Variants in KMT2A observed in about 807,000 individuals in gnomAD.
KMT2A encodes lysine methyltransferase 2A.
A neutral mutation model predicts 345.3 loss-of-function variants in KMT2A; 16 were observed. The ratio of observed to expected loss-of-function variants is 0.05; its 90% CI spans 0.03 to 0.07. KMT2A has a LOEUF of 0.07. Ranked by LOEUF, KMT2A falls within the 10% of genes least tolerant of loss-of-function variation. KMT2A has a pLI of 1.00. For synonymous variants in KMT2A, 1,599 were observed against 1,778.6 expected, an observed-to-expected ratio of 0.90 and a Z score of 2.54; for missense variants, 3,272 against 4,841.6, an observed-to-expected ratio of 0.68 and a Z score of 9.62.
At position 118,522,708 on chromosome 11, in the gene KMT2A, G is replaced by A. The variant is rs9332868; in HGVS notation, c.*536G>A. On this transcript the variant is annotated 3_prime_UTR_variant, in exon 36 of 36. Coordinates refer to ENST00000534358, the MANE Select transcript of KMT2A (RefSeq NM_001197104.2). The surrounding 1 kb of genome is among the most constrained non-coding windows in gnomAD (Gnocchi z 5.4). ...CCTCCCACTCGAGAGTTCACTTCTG[G>A]TTGGGAGACAGGATTCCTAGCACCT... 4.7e-3 allele frequency: 1,012 copies of A among 216,152 alleles called. 11 individuals are homozygous for A. Among genetic ancestry groups the A allele is most frequent in the African/African-American group, 0.022 (961 of 44,336 alleles). The allele number at this position is 216,152 out of a possible 1,614,324, so 13.4% of individuals were successfully genotyped here. A position where few individuals can be genotyped will look rare whatever the true frequency, so the allele number is the denominator to read the frequency against.
chr11:118,477,498 CTTTTTTTTTT>C (rs11430367), intron 4 of KMT2A, among the ~76,000 whole-genome samples: 155 of 56,954 alleles, frequency 2.7e-3, no homozygotes, highest in African/African-American at 0.011. Context: ...AAGTTATTGG[CTTTTTTTTTT>C]TTTTTTTTTT....
Position 118,526,306 on chromosome 11 carries a change from C to G in KMT2A, c.*4134C>G. The G allele has an allele frequency of 4.5e-6, 1 of 224,238 alleles. No individual in the cohort carries two copies. Among genetic ancestry groups the G allele is most frequent in the South Asian group, 1.8e-4 (1 of 5,456 alleles). The allele number at this position is 224,238 out of a possible 1,614,324, so 13.9% of individuals were successfully genotyped here. A position where few individuals can be genotyped will look rare whatever the true frequency, so the allele number is the denominator to read the frequency against. On this transcript the variant is annotated 3_prime_UTR_variant, in exon 36 of 36. Coordinates refer to ENST00000534358, the MANE Select transcript of KMT2A (RefSeq NM_001197104.2). ...TTGGTTATGAATGTTGGGGTTACCA[C>G]CTGCATTTAGGGGAAAATTGTGTTC...
chr11:118,501,010 C>G lies in KMT2A; in HGVS notation c.6182C>G (p.Thr2061Ser). Reference sequence around the variant, plus strand: ...AGGTGTTCCAGGGTATACTGGAGCACCACAGATGCTCGCAAGCGCTGTGTA... The same window carrying G: ...AGGTGTTCCAGGGTATACTGGAGCAGCACAGATGCTCGCAAGCGCTGTGTA... ...GYQCSRVYWS[T>S]TDARKRCVYT... is the part of the protein sequence containing the mutation. The change falls in exon 25 of 36, where the codon ACC becomes AGC. Residue 2061 changes from threonine to serine, a missense_variant. By Grantham distance (58) the Thr-to-Ser change is moderately conservative. Around this residue, in one of 27 missense-constraint regions of KMT2A, gnomAD observed 235 missense variants for 503.4 expected, o/e 0.47. Coordinates refer to ENST00000534358, the MANE Select transcript of KMT2A (RefSeq NM_001197104.2). The G allele has an allele frequency of 6.2e-7, 1 of 1,613,636 alleles. No individual in the cohort carries two copies. The highest frequency in any genetic ancestry group is 8.5e-7 in the Non-Finnish European group (1 of 1,179,614).
At chr11:118,483,791 G>T (rs9332795) in intron 8 of KMT2A, among the ~76,000 whole-genome samples, 1 of 152,106 alleles carries the variant, frequency 6.6e-6, no homozygotes, top group African/African-American at 2.4e-5. Context: ...CAGCACTTTG[G>T]GGGGCCAAGG....
intron 1 of KMT2A, among the ~76,000 whole-genome samples, chr11:118,462,656 T>G (rs1222753621): frequency 6.6e-6 from 1 of 152,162 alleles, no homozygotes. Context: ...CCTCCCGGGT[T>G]CACGCCATTC....
intron 8 of KMT2A, among the ~76,000 whole-genome samples, chr11:118,483,934 T>C (rs1950186258): frequency 6.6e-6 from 1 of 152,038 alleles, no homozygotes; most frequent in East Asian, 1.9e-4. Context: ...CTTGAGAAGC[T>C]GAGGCAGGAG....
chr11:118,504,201 T>A lies in KMT2A; in HGVS notation c.8309T>A (p.Val2770Asp). 6.2e-7 allele frequency: 1 copy of A among 1,614,132 alleles called. No homozygotes were observed. Among genetic ancestry groups the A allele is most frequent in the Non-Finnish European group, 8.5e-7 (1 of 1,180,020 alleles). Residue 2770 changes from valine to aspartate, a missense_variant, in exon 27 of 36, where the codon GTC becomes GAC. This residue lies in a region of KMT2A where 100 missense variants were observed against 101.3 expected (regional missense o/e 0.99). Transcript: ENST00000534358. The surrounding 1 kb of genome is among the most constrained non-coding windows in gnomAD (Gnocchi z 6.4). ...GAAGATGCTGGGGAGAAAGAACATG[T>A]CACTAAGAGTTCTGTTGGCCACAAA... is the stretch of plus-strand genomic sequence containing the variant. ...RPEDAGEKEH[V>D]TKSSVGHKNE...
At chr11:118,511,776 T>C (rs1950692926) in intron 30 of KMT2A, 175 bp from the exon 31 acceptor site, 2 of 648,090 alleles carry the variant, frequency 3.1e-6, no homozygotes, top group Non-Finnish European at 2.7e-6. Context: ...CCTTTTCGGC[T>C]CCTTTCACAT....
rs372947697 is a variant in KMT2A at position 118,517,877 on chromosome 11, TTTTG to T, written c.11147-1721_11147-1718del. Among the ~76,000 whole-genome samples, 185 of 152,178 alleles carry T rather than the reference TTTTG, an allele frequency of 1.2e-3. 1 individual carries two copies. The highest frequency in any genetic ancestry group is 3.9e-3 in the African/African-American group (164 of 41,528). On this transcript the variant is annotated intron_variant, in intron 31 of 35. Coordinates refer to ENST00000534358, the MANE Select transcript of KMT2A (RefSeq NM_001197104.2). ...ATTGCTTATCTAGAGACAACATTCTTTTTGTTTGTTTGTTTGTTTGTTTTTGAGA... is the reference window on the plus strand; with the variant it reads ...ATTGCTTATCTAGAGACAACATTCTTTTTGTTTGTTTGTTTGTTTTTGAGA...
At chr11:118,459,151 C>A (rs573998220) in intron 1 of KMT2A, among the ~76,000 whole-genome samples, 8 of 152,212 alleles carry the variant, frequency 5.3e-5, no homozygotes, top group African/African-American at 1.4e-4. Flanking sequence ...CTCACTGCAA[C>A]CTCTGCCTCC....
chr11:118,510,839 A>T lies in KMT2A; in HGVS notation c.11071+721A>T, dbSNP rs1405360404. 6.6e-6 allele frequency among the ~76,000 whole-genome samples: 1 copy of T among 152,234 alleles called. No individual in the cohort carries two copies. The highest frequency in any genetic ancestry group is 6.5e-5 in the Admixed American group (1 of 15,290). On this transcript the variant is annotated intron_variant, in intron 30 of 35. Coordinates refer to ENST00000534358, the MANE Select transcript of KMT2A (RefSeq NM_001197104.2). The surrounding 1 kb of genome is among the most constrained non-coding windows in gnomAD (Gnocchi z 4.1). ...AGTTAGGGTTATCAAAAACCCATGAAGATAAATAGAAGATTCTATTAAAGG... is the reference window on the plus strand; with the variant it reads ...AGTTAGGGTTATCAAAAACCCATGATGATAAATAGAAGATTCTATTAAAGG...
rs1555041994 is a variant in KMT2A, at chr11:118,489,797, G to T, written c.4485G>T (p.Leu1495=). Residue 1495 remains leucine (L), a synonymous_variant, in exon 12 of 36, where the codon CTG becomes CTT. Coordinates refer to ENST00000534358, the MANE Select transcript of KMT2A (RefSeq NM_001197104.2). The part of the protein sequence containing the change: ...CGRQHQATKQ[L]LECNKCRNSY... The stretch of plus-strand genomic sequence containing the variant: ...GCCATTATATTTTCTTACAGCAGCT[G>T]CTGGAGTGTAATAAGTGCCGAAACA... 1 of 1,613,862 alleles carries T rather than the reference G, an allele frequency of 6.2e-7. No individual in the cohort carries two copies.
At chr11:118,457,408 A>C (rs905748578) in intron 1 of KMT2A, among the ~76,000 whole-genome samples, 60 of 151,612 alleles carry the variant, frequency 4.0e-4, no homozygotes, top group African/African-American at 1.4e-3. Context: ...CTGGGACTAC[A>C]GGTGCCCACC....
intron 1 of KMT2A, chr11:118,449,896 G>C (rs895484195): frequency 1.3e-5 from 2 of 152,146 alleles, no homozygotes; most frequent in African/African-American, 2.4e-5. Flanking sequence ...GAAGTTTGTA[G>C]TTGAATGAGC....
At chr11:118,516,947 T>A (rs1044726869) in intron 31 of KMT2A, among the ~76,000 whole-genome samples, 5 of 152,146 alleles carry the variant, frequency 3.3e-5, no homozygotes, top group African/African-American at 1.2e-4. Context: ...TGAGTGAGAG[T>A]TGAACATTCA....
rs2134154541 is a variant in KMT2A at position 118,436,814 on chromosome 11, C to T, written c.302C>T (p.Ser101Leu). The change falls in exon 1 of 36, where the codon TCA (serine) becomes TTA (leucine). Residue 101 changes from serine to leucine, a missense_variant. Ser to Leu is a moderately radical substitution (Grantham distance 145, BLOSUM62 -2). This residue lies in a region of KMT2A where 412 missense variants were observed against 511.0 expected (regional missense o/e 0.81). Transcript: ENST00000534358. This position sits in a 1 kb window ranked among gnomAD's most constrained non-coding sequence, Gnocchi z 6.9. ...SSSSSSSSAS[S>L]GPALLRVGPG... ...TCTTCGTCATCGTCCTCAGCCTCTT[C>T]AGGGCCGGCCCTGCTCCGGGTGGGC... 1.2e-6 allele frequency: 2 copies of T among 1,609,282 alleles called. No homozygotes were observed. Among genetic ancestry groups the T allele is most frequent in the East Asian group, 2.2e-5 (1 of 44,682 alleles).
Position 118,493,164 on chromosome 11 carries a change from TGA to T in KMT2A, c.5113_5114del (p.Asp1705SerfsTer26). On this transcript the variant is annotated frameshift_variant, in exon 16 of 36. Transcript: ENST00000534358. LOFTEE classifies it high-confidence loss of function. The surrounding 1 kb of genome is among the most constrained non-coding windows in gnomAD (Gnocchi z 5.8). ...TTCTTACTGAGGTCAGCAAACAGGA[TGA>T]TCAGCAGCCTTTAGATCTAGAAGGA... Reference protein sequence around the residue: ...PVLTEVSKQDDQQPLDLEGVK... With the variant: ...PVLTEVSKQDXQQPLDLEGVK... 6.2e-7 allele frequency: 1 copy of T among 1,614,100 alleles called. No individual in the cohort carries two copies. Among genetic ancestry groups the T allele is most frequent in the South Asian group, 1.1e-5 (1 of 91,078 alleles).
chr11:118,502,692 C>T lies in KMT2A; in HGVS notation c.6800C>T (p.Ser2267Leu), dbSNP rs2134386018. 6.2e-7 allele frequency: 1 copy of T among 1,614,172 alleles called. No individual in the cohort carries two copies. Among genetic ancestry groups the T allele is most frequent in the Non-Finnish European group, 8.5e-7 (1 of 1,180,032 alleles). ...TTAGGGCAAAACACTTCCACCTCTT[C>T]AAATTTGCAAAGGACAGTGGTTACT... ...TSLGQNTSTS[S>L]NLQRTVVTVG... The change falls in exon 27 of 36, where the codon TCA (serine) becomes TTA (leucine). Residue 2267 changes from serine to leucine, a missense_variant. By Grantham distance (145) the Ser-to-Leu change is moderately radical. Coordinates refer to ENST00000534358, the MANE Select transcript of KMT2A (RefSeq NM_001197104.2). The surrounding 1 kb of genome is among the most constrained non-coding windows in gnomAD (Gnocchi z 4.9).
At position 118,484,432 on chromosome 11, in the gene KMT2A, A is replaced by G. The variant is rs1950195087; in HGVS notation, c.4218+118A>G. 1 of 1,076,322 alleles carries G rather than the reference A, an allele frequency of 9.3e-7. No individual in the cohort carries two copies. Among genetic ancestry groups the G allele is most frequent in the Admixed American group, 2.4e-5 (1 of 41,634 alleles). 66.7% of individuals were successfully genotyped at this position (1,076,322 alleles called of 1,614,324 possible). A position where few individuals can be genotyped will look rare whatever the true frequency, so the allele number is the denominator to read the frequency against. Reference sequence around the variant, plus strand: ...GCACCAACTGGGGGAATGAATAAGAACTCCCATTAGCAGGTGGGTTTAGCG... The same window carrying G: ...GCACCAACTGGGGGAATGAATAAGAGCTCCCATTAGCAGGTGGGTTTAGCG... On this transcript the variant is annotated intron_variant, in intron 9 of 35. Transcript: ENST00000534358. The surrounding 1 kb of genome is among the most constrained non-coding windows in gnomAD (Gnocchi z 4.1).
Sources: gnomAD v4.1 joint callset for allele counts (sites outside exome capture counted in the v4.1 genomes callset) on GRCh38, gnomAD v4.1.1 for gene constraint, gnomAD v4.1.1 regional missense constraint, Gnocchi (gnomAD v3.1) non-coding constraint, MANE v1.5 for transcripts, NCBI Gene and HGNC (gene_info 2026-07-23, HGNC 2026-07-21) for gene names.